The following DNAJC8 variants were observed in gnomAD, a reference collection of about 807,000 sequenced individuals.
The protein encoded by DNAJC8 is dnaJ homolog subfamily C member 8.
In DNAJC8, 24 loss-of-function variants were observed where a neutral mutation model predicts 43.2. That is an observed-to-expected ratio of 0.56 (90% confidence interval 0.40 to 0.78). The LOEUF is 0.78. DNAJC8 is among the 30% of genes least tolerant of loss of function. DNAJC8 has a pLI of 0.00. For missense variants in DNAJC8, 207 were observed against 299.4 expected (o/e 0.69, Z 2.28); for synonymous variants, 83 against 98.0 (o/e 0.85, Z 0.90).
chr1:28,202,578 C>A (rs1256401495), intron 8 of DNAJC8, among the ~76,000 whole-genome samples: 5 of 131,174 alleles, frequency 3.8e-5, no homozygotes, highest in Non-Finnish European at 4.7e-5. Context: ...CTCACCCGGC[C>A]TTTTTTTTTC....
chr1:28,208,912 C>T (rs1426801929), intron 5 of DNAJC8: 2 of 152,366 alleles, frequency 1.3e-5, no homozygotes, highest in East Asian at 3.8e-4. Flanking sequence ...ATACTTTTAT[C>T]ACATTGGCCA....
intron 2 of DNAJC8, among the ~76,000 whole-genome samples, chr1:28,216,571 G>A (rs184312332): frequency 3.4e-4 from 51 of 152,060 alleles, no homozygotes; most frequent in Non-Finnish European, 5.9e-4. Flanking sequence ...TTTGCTGTGT[G>A]TATTTGGGGA....
At chr1:28,218,824 C>T (rs1318158638) in intron 2 of DNAJC8, among the ~76,000 whole-genome samples, 1 of 151,972 alleles carries the variant, frequency 6.6e-6, no homozygotes, top group African/African-American at 2.4e-5. Flanking sequence ...CATAACTTCC[C>T]AAGGAGAAAG....
intron 1 of DNAJC8, among the ~76,000 whole-genome samples, chr1:28,229,978 T>C (rs764806500): frequency 5.3e-5 from 8 of 151,862 alleles, no homozygotes; most frequent in Admixed American, 1.3e-4. Context: ...CCAGGCGGAG[T>C]AGCTGTCACC....
intron 3 of DNAJC8, among the ~76,000 whole-genome samples, chr1:28,213,011 TTAC>T (rs1391490775): frequency 1.3e-5 from 2 of 152,122 alleles, no homozygotes; most frequent in Non-Finnish European, 2.9e-5. Flanking sequence ...GTGCCAAGAG[TTAC>T]TCTAAATGCC....
At chr1:28,229,130 T>C (rs901492339) in intron 1 of DNAJC8, 107 bp from the exon 2 acceptor site, 1 of 932,374 alleles carries the variant, frequency 1.1e-6, no homozygotes, top group East Asian at 2.6e-5. Context: ...TTTGTGTGTT[T>C]ACCATGTGCA....
chr1:28,219,434 G>C (rs1347887948), intron 2 of DNAJC8, among the ~76,000 whole-genome samples: 1 of 152,128 alleles, frequency 6.6e-6, no homozygotes, highest in Non-Finnish European at 1.5e-5. Context: ...GCATGAACCC[G>C]GGAGGCGGTG....
At chr1:28,203,685 C>G (rs529597332) in intron 8 of DNAJC8, 62 bp downstream of exon 8, 1 of 1,512,726 alleles carries the variant, frequency 6.6e-7, no homozygotes, top group Admixed American at 1.7e-5. Context: ...GTCCTGGGAG[C>G]GCCACAGGAA....
intron 6 of DNAJC8, among the ~76,000 whole-genome samples, chr1:28,207,201 C>A (rs1211638078): frequency 1.3e-5 from 2 of 151,646 alleles, no homozygotes; most frequent in Non-Finnish European, 2.9e-5. Flanking sequence ...AACATGATGA[C>A]ATCCCGTCTC....
rs187171953 is a variant in DNAJC8, at chr1:28,217,866, C to A, written c.181-2870G>T. On this transcript the variant is annotated intron_variant, in intron 2 of 8. Transcript: ENST00000263697. ...TGCTGTGTGTATTTGGGGATTACAA[C>A]ATGATGTTATGGGATATATACAGAC... is the stretch of plus-strand genomic sequence containing the variant. 5.1e-3 allele frequency among the ~76,000 whole-genome samples: 776 copies of A among 151,768 alleles called. 1 individual carries two copies. Among genetic ancestry groups the A allele is most frequent in the Middle Eastern group, 0.014 (4 of 292 alleles).
intron 8 of DNAJC8, among the ~76,000 whole-genome samples, chr1:28,202,915 G>A (rs1646747015): frequency 6.6e-6 from 1 of 152,124 alleles, no homozygotes; most frequent in South Asian, 2.1e-4. Flanking sequence ...ACCAAAAGCC[G>A]ACTATGGTGT....
At chr1:28,224,499 C>T (rs960181581) in intron 2 of DNAJC8, among the ~76,000 whole-genome samples, 1 of 152,056 alleles carries the variant, frequency 6.6e-6, no homozygotes, top group South Asian at 2.1e-4. Context: ...AACTCCTGAC[C>T]TCAAGTGATC....
intron 2 of DNAJC8, among the ~76,000 whole-genome samples, chr1:28,215,591 G>A (rs1198638063): frequency 1.3e-5 from 2 of 151,680 alleles, no homozygotes; most frequent in African/African-American, 2.4e-5. Flanking sequence ...AGGCTGGAGT[G>A]CAATGGCGAG....
At chr1:28,205,166 T>C (rs1646760248) in intron 7 of DNAJC8, 92 bp downstream of exon 7, 2 of 936,800 alleles carry the variant, frequency 2.1e-6, no homozygotes, top group Non-Finnish European at 3.3e-6. Flanking sequence ...AATGGTATAC[T>C]ATATAATTCC....
chr1:28,209,796 G>A (rs1043334464), intron 5 of DNAJC8, among the ~76,000 whole-genome samples, 176 bp downstream of exon 5: 5 of 152,166 alleles, frequency 3.3e-5, no homozygotes, highest in Non-Finnish European at 4.4e-5. Flanking sequence ...TCTCTTAGGG[G>A]TGAATTACAG....
chr1:28,217,603 G>C (rs917647493), intron 2 of DNAJC8, among the ~76,000 whole-genome samples: 2 of 151,978 alleles, frequency 1.3e-5, no homozygotes, highest in African/African-American at 2.4e-5. Flanking sequence ...ATTTACAGAC[G>C]AGGGGCTGTA....
chr1:28,229,512 G>C (rs927958989), intron 1 of DNAJC8, among the ~76,000 whole-genome samples: 2 of 152,062 alleles, frequency 1.3e-5, no homozygotes, highest in African/African-American at 2.4e-5. Context: ...AGTGGCTCAC[G>C]CCTGTAATCC....
chr1:28,226,428 G>A (rs963604507), intron 2 of DNAJC8, among the ~76,000 whole-genome samples: 13 of 151,344 alleles, frequency 8.6e-5, no homozygotes, highest in South Asian at 2.1e-4. Flanking sequence ...GCTTGAACCC[G>A]GGAGGCAGAG....
chr1:28,217,692 C>T (rs1646868415), intron 2 of DNAJC8, among the ~76,000 whole-genome samples: 1 of 151,992 alleles, frequency 6.6e-6, no homozygotes, highest in Non-Finnish European at 1.5e-5. Flanking sequence ...CAAAGTCCAA[C>T]AAAACCCAGA....
Sources: gnomAD v4.1 joint callset for allele counts (sites outside exome capture counted in the v4.1 genomes callset) on GRCh38, gnomAD v4.1.1 for gene constraint, MANE v1.5 for transcripts, NCBI Gene and HGNC (gene_info 2026-07-23, HGNC 2026-07-21) for gene names.